ASTN2: variants seen among roughly 807,000 people sequenced by gnomAD.
The protein encoded by ASTN2 is astrotactin 2, also known as astrotactin-2.
Under a neutral mutation model 139.8 loss-of-function variants are expected in ASTN2, and 54 were observed. The ratio of observed to expected loss-of-function variants is 0.39; its 90% confidence interval spans 0.31 to 0.48. ASTN2 has a LOEUF of 0.48. Ranked by LOEUF, ASTN2 falls within the 20% of genes least tolerant of loss-of-function variation. ASTN2 has a pLI of 0.95. For synonymous variants in ASTN2, 756 were observed against 719.5 expected, an observed-to-expected ratio of 1.05 and a Z score of -0.81; for missense variants, 1,565 against 1,725.1, an observed-to-expected ratio of 0.91 and a Z score of 1.64.
At chr9:116,777,586 A>C (rs1276425410) in intron 13 of ASTN2, among the ~76,000 whole-genome samples, 2 of 152,184 alleles carry the variant, frequency 1.3e-5, no homozygotes, top group Non-Finnish European at 2.9e-5. Context: ...ACAGTTGTTA[A>C]ATCACTGATT....
chr9:117,190,402 G>A (rs943666475), intron 3 of ASTN2, among the ~76,000 whole-genome samples: 7 of 152,076 alleles, frequency 4.6e-5, no homozygotes, highest in Non-Finnish European at 1.0e-4. Context: ...TAGTATCCTC[G>A]CTTCTGAGTT....
chr9:116,520,029 G>C (rs1850802397), intron 19 of ASTN2, among the ~76,000 whole-genome samples: 1 of 151,810 alleles, frequency 6.6e-6, no homozygotes, highest in African/African-American at 2.4e-5. Flanking sequence ...CTACCAACAA[G>C]AAATAGTCCA....
chr9:116,463,665 T>C (rs1456170975), intron 20 of ASTN2, among the ~76,000 whole-genome samples: 3 of 152,176 alleles, frequency 2.0e-5, no homozygotes, highest in Admixed American at 1.3e-4. Flanking sequence ...AGTTTTAGTA[T>C]GGAAAAGAAG....
chr9:117,279,962 T>C (rs1351913147), intron 2 of ASTN2, among the ~76,000 whole-genome samples: 1 of 152,198 alleles, frequency 6.6e-6, no homozygotes, highest in East Asian at 1.9e-4. Context: ...TTTTCACTAA[T>C]GTCCTTGTTT....
intron 13 of ASTN2, among the ~76,000 whole-genome samples, chr9:116,746,371 C>A (rs970358815): frequency 3.9e-5 from 6 of 151,926 alleles, no homozygotes; most frequent in African/African-American, 9.7e-5. Context: ...CAGGCTTGAG[C>A]CACCATGCCC....
chr9:117,363,823 C>T (rs1479491860), intron 1 of ASTN2, among the ~76,000 whole-genome samples: 1 of 152,110 alleles, frequency 6.6e-6, no homozygotes, highest in Non-Finnish European at 1.5e-5. Context: ...AGCCATCTCT[C>T]CTTATTTCAT....
At chr9:116,610,989 A>G (rs1855509297) in intron 19 of ASTN2, 1 of 152,166 alleles carries the variant, frequency 6.6e-6, no homozygotes, top group Non-Finnish European at 1.5e-5. Context: ...AAATAAGTGG[A>G]TACACATTAT....
chr9:116,956,563 T>G (rs1835713980), intron 10 of ASTN2, among the ~76,000 whole-genome samples: 1 of 151,316 alleles, frequency 6.6e-6, no homozygotes, highest in South Asian at 2.1e-4. Context: ...ACTGGAGGTT[T>G]TAGTCATGGA....
chr9:116,708,455 G>T (rs1414656947), intron 16 of ASTN2, among the ~76,000 whole-genome samples: 3 of 152,166 alleles, frequency 2.0e-5, no homozygotes, highest in Non-Finnish European at 4.4e-5. Flanking sequence ...CTACTCATGG[G>T]ATAACAACAG....
At chr9:117,408,542 G>A (rs76687768) in intron 1 of ASTN2, among the ~76,000 whole-genome samples, 1,785 of 152,274 alleles carry the variant, frequency 0.012, 14 homozygotes, top group African/African-American at 0.026. Context: ...GTATAACAAA[G>A]CAAGGAGGTG....
At chr9:116,681,897 C>T (rs564251262) in intron 16 of ASTN2, among the ~76,000 whole-genome samples, 20,310 of 148,684 alleles carry the variant, frequency 0.14, 1,308 homozygotes, top group Middle Eastern at 0.19. Context: ...AAGACTTAAA[C>T]GTTAGACCTA....
chr9:116,849,178 A>G (rs549751394), intron 11 of ASTN2, among the ~76,000 whole-genome samples: 1 of 152,138 alleles, frequency 6.6e-6, no homozygotes, highest in South Asian at 2.1e-4. Flanking sequence ...CATGTGTTCT[A>G]CTCTCTGGAA....
intron 19 of ASTN2, among the ~76,000 whole-genome samples, chr9:116,550,737 A>C (rs1852306428): frequency 6.6e-6 from 1 of 152,188 alleles, no homozygotes; most frequent in Non-Finnish European, 1.5e-5. Flanking sequence ...GATAGGCAGG[A>C]ATTCCTGTCC....
At chr9:116,430,565 C>T (rs1847464790) in intron 22 of ASTN2, among the ~76,000 whole-genome samples, 1 of 152,184 alleles carries the variant, frequency 6.6e-6, no homozygotes, top group South Asian at 2.1e-4. Context: ...TCGTGAAAAG[C>T]ACATAGGCTT....
chr9:116,621,209 T>G (rs1038479651), intron 17 of ASTN2, among the ~76,000 whole-genome samples: 4 of 152,166 alleles, frequency 2.6e-5, no homozygotes, highest in African/African-American at 9.7e-5. Flanking sequence ...CTTCCACAAT[T>G]ACTTAACACT....
chr9:116,950,685 C>T (rs1220577915), intron 10 of ASTN2, among the ~76,000 whole-genome samples: 1 of 152,086 alleles, frequency 6.6e-6, no homozygotes, highest in Non-Finnish European at 1.5e-5. Flanking sequence ...CACCCTCCAG[C>T]CCCCCTTCTC....
chr9:116,667,292 T>C (rs2131976595), intron 16 of ASTN2, among the ~76,000 whole-genome samples: 1 of 152,248 alleles, frequency 6.6e-6, no homozygotes, highest in East Asian at 1.9e-4. Flanking sequence ...ATGAAAGATA[T>C]TTTTGAAGCA....
rs201337994 is a variant in ASTN2 at position 116,791,025 on chromosome 9, AAG to A, written c.2396+14605_2396+14606del. Among the ~76,000 whole-genome samples, 181 of 126,338 alleles carry A rather than the reference AAG, an allele frequency of 1.4e-3. 1 individual carries two copies. Among genetic ancestry groups the A allele is most frequent in the African/African-American group, 5.0e-3 (169 of 33,922 alleles). The allele number at this position is 126,338 out of a possible 152,430, so 82.9% of individuals were successfully genotyped here. A position where few individuals can be genotyped will look rare whatever the true frequency, so the allele number is the denominator to read the frequency against. Reference sequence around the variant, plus strand: ...AAAGAAAGAAAGAAAGAAAGAAAGAAAGAAAGAAAGAAAGAAAGAAAAGAAAA... The same window carrying A: ...AAAGAAAGAAAGAAAGAAAGAAAGAAAAAGAAAGAAAGAAAGAAAAGAAAA... On this transcript the variant is annotated intron_variant, in intron 13 of 22. Transcript: ENST00000313400.
At chr9:116,773,648 C>T (rs1588281474) in intron 13 of ASTN2, among the ~76,000 whole-genome samples, 2 of 152,100 alleles carry the variant, frequency 1.3e-5, no homozygotes, top group African/African-American at 4.8e-5. Context: ...ATTATTAATA[C>T]ACATATTATC....
Sources: gnomAD v4.1 joint callset for allele counts (sites outside exome capture counted in the v4.1 genomes callset) on GRCh38, gnomAD v4.1.1 for gene constraint, MANE v1.5 for transcripts, NCBI Gene and HGNC (gene_info 2026-07-23, HGNC 2026-07-21) for gene names.